Variants in RHOU observed in about 807,000 individuals in gnomAD.
RHOU encodes rho-related GTP-binding protein RhoU.
A neutral mutation model predicts 12.6 loss-of-function variants in RHOU; 8 were observed. The ratio of observed to expected loss-of-function variants is 0.64; its 90% CI spans 0.37 to 1.15. The LOEUF (loss-of-function observed/expected upper bound fraction) is 1.15, where lower values mean the gene tolerates loss of function less well. Among genes scored for constraint, RHOU ranks in the 50% most tolerant of loss-of-function variants. RHOU has a pLI of 0.01. For synonymous variants in RHOU, 161 were observed against 147.4 expected, an observed-to-expected ratio of 1.09 and a Z score of -0.67; for missense variants, 258 against 347.0, an observed-to-expected ratio of 0.74 and a Z score of 2.04.
chr1:228,725,928 AT>A, the RHOU span, among the ~76,000 whole-genome samples: 1 of 152,202 alleles, frequency 6.6e-6, no homozygotes, highest in Non-Finnish European at 1.5e-5. Context: ...TGATCTTTCA[AT>A]GGAGTATGAT....
the RHOU span, among the ~76,000 whole-genome samples, chr1:228,651,917 G>A: frequency 6.6e-6 from 1 of 152,316 alleles, no homozygotes; most frequent in South Asian, 2.1e-4. Context: ...TTTGAACCCT[G>A]AAATGTTTTT....
At chr1:228,707,124 A>ATATATATATATATATATG in the RHOU span, among the ~76,000 whole-genome samples, 2 of 78,590 alleles carry the variant, frequency 2.5e-5, no homozygotes, top group African/African-American at 3.2e-4. Flanking sequence ...ATATATATAT[A>ATATATATATATATATATG]TACATATATA....
the RHOU span, among the ~76,000 whole-genome samples, chr1:228,678,324 C>T: frequency 6.6e-6 from 1 of 152,108 alleles, no homozygotes; most frequent in Non-Finnish European, 1.5e-5. Context: ...AACCATTTGC[C>T]TTGTGTGGGA....
At chr1:228,736,980 A>C (rs1003395824) in intron 1 of RHOU, among the ~76,000 whole-genome samples, 6 of 132,002 alleles carry the variant, frequency 4.5e-5, no homozygotes, top group Non-Finnish European at 7.8e-5. Flanking sequence ...AATATTTAGA[A>C]ACAATTAGAA....
chr1:228,654,469 C>T, the RHOU span, among the ~76,000 whole-genome samples: 2 of 152,116 alleles, frequency 1.3e-5, no homozygotes, highest in Non-Finnish European at 2.9e-5. Context: ...AGTTCACTGA[C>T]CACCTGATGC....
At chr1:228,646,965 G>T in the RHOU span, among the ~76,000 whole-genome samples, 2 of 152,128 alleles carry the variant, frequency 1.3e-5, no homozygotes, top group African/African-American at 2.4e-5. Flanking sequence ...ACAGAGAAAG[G>T]GAGAAGTACA....
chr1:228,723,789 A>C, the RHOU span, among the ~76,000 whole-genome samples: 1 of 152,118 alleles, frequency 6.6e-6, no homozygotes. Context: ...AATTTACACC[A>C]TCTTTACGTT....
In RHOU at chr1:228,738,043, A is replaced by C. The variant is rs897885404; in HGVS notation, c.321+312A>C. Among the ~76,000 whole-genome samples the C allele has an allele frequency of 2.0e-5, 3 of 152,284 alleles. No individual in the cohort carries two copies. Among genetic ancestry groups the C allele is most frequent in the Admixed American group, 1.3e-4 (2 of 15,298 alleles). ...ACTTACTCCCTGGTTTTTATGAAAA[A>C]ATTTCAGTGATGCTTTGTCATCATT... On this transcript the variant is annotated intron_variant, in intron 2 of 2. Transcript: ENST00000366691. This position sits in a 1 kb window ranked among gnomAD's most constrained non-coding sequence, Gnocchi z 4.2.
chr1:228,692,675 T>A, the RHOU span, among the ~76,000 whole-genome samples: 1 of 152,112 alleles, frequency 6.6e-6, no homozygotes, highest in African/African-American at 2.4e-5. Context: ...GCTCAAGCCA[T>A]CCTCCCACCT....
the RHOU span, among the ~76,000 whole-genome samples, chr1:228,646,593 CA>C: frequency 7.7e-6 from 1 of 130,326 alleles, no homozygotes; most frequent in African/African-American, 3.0e-5. Context: ...GCCGGGGGGG[CA>C]AGAGGGCGTG....
At chr1:228,650,800 T>G in the RHOU span, 2 of 425,654 alleles carry the variant, frequency 4.7e-6, no homozygotes, top group African/African-American at 2.1e-5. Flanking sequence ...GTGCCTACCA[T>G]GCATCCAAGT....
In RHOU at chr1:228,739,147, A is replaced by G. The variant is rs551542314; in HGVS notation, c.321+1416A>G. Among the ~76,000 whole-genome samples, 6 of 152,238 alleles carry G rather than the reference A, an allele frequency of 3.9e-5. No individual in the cohort carries two copies. The East Asian group carries it at 1.2e-3, about 29-fold the overall frequency. ...TGGGGGTAAAAAAAAAGAAAAATCA[A>G]AGAATACAGTCACTTCTAGCACTGA... On this transcript the variant is annotated intron_variant, in intron 2 of 2. Transcript: ENST00000366691.
the RHOU span, among the ~76,000 whole-genome samples, chr1:228,646,653 A>G: frequency 4.8e-5 from 7 of 145,878 alleles, no homozygotes; most frequent in African/African-American, 1.8e-4. Context: ...GGCTGGCACT[A>G]GAGGCGGCGG....
the RHOU span, among the ~76,000 whole-genome samples, chr1:228,664,837 T>C: frequency 6.6e-6 from 1 of 152,134 alleles, no homozygotes; most frequent in African/African-American, 2.4e-5. Flanking sequence ...TTTCACCATG[T>C]TGGCCATTTT....
the RHOU span, among the ~76,000 whole-genome samples, chr1:228,695,707 G>A: frequency 2.4e-4 from 36 of 152,162 alleles, no homozygotes; most frequent in African/African-American, 8.2e-4. Context: ...GAGCTTTCAT[G>A]CATTTCCAGG....
Position 228,745,056 on chromosome 1 carries a change from G to T in RHOU, c.*1316G>T, listed in dbSNP as rs1662799556. On this transcript the variant is annotated 3_prime_UTR_variant, in exon 3 of 3. Coordinates refer to ENST00000366691, the MANE Select transcript of RHOU (RefSeq NM_021205.6). The stretch of plus-strand genomic sequence containing the variant: ...ACAGATGGCTTTCAGGGCAGTAGCA[G>T]CAGAGGCCAGTGGACTCTGAGGACT... 6.6e-6 allele frequency: 1 copy of T among 152,242 alleles called. No homozygotes were observed. Among genetic ancestry groups the T allele is most frequent in the East Asian group, 1.9e-4 (1 of 5,204 alleles). 9.4% of individuals were successfully genotyped at this position (152,242 alleles called of 1,614,324 possible).
the RHOU span, among the ~76,000 whole-genome samples, chr1:228,704,917 C>A: frequency 1.3e-5 from 2 of 152,180 alleles, no homozygotes; most frequent in African/African-American, 4.8e-5. Context: ...TCTCCTGCCT[C>A]AGCCTCCCAA....
chr1:228,672,648 C>A, the RHOU span, among the ~76,000 whole-genome samples: 1 of 152,248 alleles, frequency 6.6e-6, no homozygotes, highest in East Asian at 1.9e-4. Context: ...TTTAATACTG[C>A]AGTAGTGGGG....
the RHOU span, among the ~76,000 whole-genome samples, chr1:228,658,294 A>G: frequency 1.3e-5 from 2 of 151,834 alleles, no homozygotes; most frequent in Non-Finnish European, 2.9e-5. Context: ...CTCAAAAAAA[A>G]AAAAAAAAAA....
Sources: gnomAD v4.1 joint callset for allele counts (sites outside exome capture counted in the v4.1 genomes callset) on GRCh38, gnomAD v4.1.1 for gene constraint, Gnocchi (gnomAD v3.1) non-coding constraint, MANE v1.5 for transcripts, NCBI Gene and HGNC (gene_info 2026-07-23, HGNC 2026-07-21) for gene names.